The following TMEM219 variants were observed in gnomAD, a reference collection of about 807,000 sequenced individuals.
TMEM219 encodes the protein transmembrane protein 219.
In TMEM219, 18 loss-of-function variants were observed where a neutral mutation model predicts 17.9. The ratio of observed to expected loss-of-function variants is 1.01; its 90% confidence interval spans 0.70 to 1.49. TMEM219 has a LOEUF of 1.49. Among genes scored for constraint, TMEM219 ranks in the 40% most tolerant of loss-of-function variants. The pLI is 0.00. For synonymous variants in TMEM219, 113 were observed against 124.0 expected, an observed-to-expected ratio of 0.91 and a Z score of 0.59; for missense variants, 288 against 292.4, an observed-to-expected ratio of 0.99 and a Z score of 0.11.
chr16:29,969,192 CTT>C (rs1197231032), intron 4 of TMEM219, among the ~76,000 whole-genome samples: 1 of 122,986 alleles, frequency 8.1e-6, no homozygotes, highest in Non-Finnish European at 1.7e-5. Context: ...TTCTTTTTCG[CTT>C]TTTTTTTTTT....
rs1212679752 is a variant in TMEM219 at position 29,962,145 on chromosome 16, G to T, written c.-38+13G>T. The T allele has an allele frequency of 6.6e-6, 1 of 152,072 alleles. No homozygotes were observed. Among genetic ancestry groups the T allele is most frequent in the Non-Finnish European group, 1.5e-5 (1 of 67,976 alleles). The allele number at this position is 152,072 out of a possible 1,614,324, so 9.4% of individuals were successfully genotyped here. On this transcript the variant is annotated intron_variant, in intron 1 of 5. Transcript: ENST00000279396. ...CCGGCCCCGAGGGGTAAGAGCGAGC[G>T]GCTGGCGGATCCGACGCGCGAGACC...
Position 29,963,291 on chromosome 16 carries a change from A to G in TMEM219, c.148A>G (p.Ser50Gly), listed in dbSNP as rs777556227. ...CCTCACCCACAGGACTGGCCTGCGC[A>G]GCCCTGACATCCCCCAGGTAAGTTC... is the stretch of plus-strand genomic sequence containing the variant. ...FLLTHRTGLR[S>G]PDIPQDWVSF... The change falls in exon 2 of 6, where the codon AGC becomes GGC. Residue 50 changes from serine to glycine, a missense_variant. Ser to Gly is a moderately conservative substitution (Grantham distance 56). Transcript: ENST00000279396. The G allele has an allele frequency of 1.2e-6, 2 of 1,613,998 alleles. No homozygotes were observed. The highest frequency in any genetic ancestry group is 3.3e-5 in the Admixed American group (2 of 60,002).
In TMEM219 at chr16:29,963,133, C is replaced by T; in HGVS notation, c.-11C>T. Reference sequence around the variant, plus strand: ...AGGCTCTCCCCGGAGGCTCAGCCCCCTCTGCTCCCCATGGGCAACTGCCAG... The same window carrying T: ...AGGCTCTCCCCGGAGGCTCAGCCCCTTCTGCTCCCCATGGGCAACTGCCAG... On this transcript the variant is annotated 5_prime_UTR_variant, in exon 2 of 6. Coordinates refer to ENST00000279396, the MANE Select transcript of TMEM219 (RefSeq NM_001083613.2). 5 of 1,610,146 alleles carry T rather than the reference C, an allele frequency of 3.1e-6. No homozygotes were observed. Among genetic ancestry groups the T allele is most frequent in the Non-Finnish European group, 4.2e-6 (5 of 1,179,928 alleles).
At chr16:29,972,694 T>C (rs1596584631) in intron 5 of TMEM219, among the ~76,000 whole-genome samples, 2 of 152,196 alleles carry the variant, frequency 1.3e-5, no homozygotes, top group East Asian at 3.8e-4. Context: ...ATTTTGCTGA[T>C]GGCTGGGCCT....
chr16:29,971,540 C>T lies in TMEM219; in HGVS notation c.718C>T (p.Leu240Phe), dbSNP rs1567232283. ...RRESHWSRTR[L>F] ...GGAGTCCCACTGGTCTAGAACCCGG[C>T]TCTGAGGGCACTGGCCTAGTTCCCG... The change falls in exon 5 of 6, where the codon CTC (leucine) becomes TTC (phenylalanine). Residue 240 changes from leucine to phenylalanine, a missense_variant. By Grantham distance (22) the Leu-to-Phe change is conservative. Coordinates refer to ENST00000279396, the MANE Select transcript of TMEM219 (RefSeq NM_001083613.2). 1.2e-6 allele frequency: 2 copies of T among 1,611,744 alleles called. No homozygotes were observed. The highest frequency in any genetic ancestry group is 8.5e-7 in the Non-Finnish European group (1 of 1,179,216).
intron 5 of TMEM219, chr16:29,971,988 G>A (rs2069297825): frequency 6.4e-6 from 1 of 157,138 alleles, no homozygotes; most frequent in African/African-American, 2.4e-5. Context: ...GTATTGCCAT[G>A]TATGTATTCC....
chr16:29,968,132 C>T lies in TMEM219; in HGVS notation c.463C>T (p.Gln155Ter). 3 of 1,614,166 alleles carry T rather than the reference C, an allele frequency of 1.9e-6. No homozygotes were observed. Among genetic ancestry groups the T allele is most frequent in the African/African-American group, 2.7e-5 (2 of 75,040 alleles). The change falls in exon 4 of 6, where the codon CAG (glutamine) becomes TAG (stop). Residue 155 changes from glutamine (Q) to a stop codon, truncating the protein, a stop_gained. Coordinates refer to ENST00000279396, the MANE Select transcript of TMEM219 (RefSeq NM_001083613.2). LOFTEE classifies it high-confidence loss of function. ...TGTTCCAGGAATCCTACCCTCCAGC[C>T]AGCCACCCATATCCTGCTCAGAGGA... The part of the protein sequence containing the change: ...SAVPGILPSS[Q>*]PPISCSEEGA...
At chr16:29,970,955 A>G (rs2069277834) in intron 4 of TMEM219, among the ~76,000 whole-genome samples, 1 of 151,532 alleles carries the variant, frequency 6.6e-6, no homozygotes, top group South Asian at 2.1e-4. Flanking sequence ...AAAAGAAAAA[A>G]AAAAAAAAGG....
At chr16:29,964,948 T>C (rs929622089) in intron 3 of TMEM219, among the ~76,000 whole-genome samples, 2 of 152,212 alleles carry the variant, frequency 1.3e-5, no homozygotes, top group African/African-American at 4.8e-5. Context: ...GACCTAATGT[T>C]TTCTCATCCT....
At chr16:29,971,632 G>C in intron 5 of TMEM219, 54 bp downstream of exon 5, 1 of 1,416,932 alleles carries the variant, frequency 7.1e-7, no homozygotes, top group South Asian at 1.2e-5. Flanking sequence ...GGGGGTGGGG[G>C]TTGTAACCGG....
chr16:29,964,791 A>G (rs2069192563), intron 3 of TMEM219, among the ~76,000 whole-genome samples: 1 of 152,122 alleles, frequency 6.6e-6, no homozygotes, highest in African/African-American at 2.4e-5. Flanking sequence ...CCTTGGGCAC[A>G]TCCCTGGACT....
intron 4 of TMEM219, among the ~76,000 whole-genome samples, chr16:29,969,517 T>C (rs904156038): frequency 1.4e-5 from 2 of 146,628 alleles, no homozygotes; most frequent in African/African-American, 2.5e-5. Context: ...AAAAAAAACA[T>C]TTTTTTTTTT....
intron 5 of TMEM219, chr16:29,972,131 G>A (rs2069301622): frequency 6.6e-6 from 1 of 152,396 alleles, no homozygotes; most frequent in Non-Finnish European, 1.5e-5. Flanking sequence ...CAAGCATTTG[G>A]GTAACAATGG....
At chr16:29,969,692 A>G (rs987026279) in intron 4 of TMEM219, among the ~76,000 whole-genome samples, 2 of 151,856 alleles carry the variant, frequency 1.3e-5, no homozygotes, top group Non-Finnish European at 2.9e-5. Flanking sequence ...AAGGAAAAAA[A>G]AAGAAAGTGT....
chr16:29,968,020 C>A lies in TMEM219; in HGVS notation c.356-5C>A. The A allele has an allele frequency of 6.2e-7, 1 of 1,610,512 alleles. No individual in the cohort carries two copies. Among genetic ancestry groups the A allele is most frequent in the South Asian group, 1.1e-5 (1 of 91,010 alleles). On this transcript the variant is annotated splice_region_variant and splice_polypyrimidine_tract_variant and intron_variant, in intron 3 of 5. Coordinates refer to ENST00000279396, the MANE Select transcript of TMEM219 (RefSeq NM_001083613.2). ...CTTCCATTTTCTCTTCTGTGCCTTT[C>A]ACAGGATCTTCTGCAGGACAACTGG...
In TMEM219 at chr16:29,963,232, T is replaced by G. The variant is rs773914341; in HGVS notation, c.89T>G (p.Leu30Arg). 34 of 1,613,958 alleles carry G rather than the reference T, an allele frequency of 2.1e-5. No homozygotes were observed. Among genetic ancestry groups the G allele is most frequent in the Admixed American group, 5.0e-5 (3 of 60,012 alleles). ...TGTGCCACTTTGATCCTGCTGCTCC[T>G]TGGCCTCTCTGGCCTGGGCCTTGGC... ...LVCATLILLLLGLSGLGLGSF... is the reference protein window; with the variant it reads ...LVCATLILLLRGLSGLGLGSF... Residue 30 changes from leucine (L) to arginine (R), a missense_variant, in exon 2 of 6, where the codon CTT (leucine) becomes CGT (arginine). Transcript: ENST00000279396.
rs1315150531 is a variant in TMEM219, at chr16:29,963,559, A to G, written c.325A>G (p.Thr109Ala). Residue 109 changes from threonine to alanine, a missense_variant, in exon 3 of 6, where the codon ACA becomes GCA. Physicochemically the swap from Thr to Ala is moderately conservative, Grantham distance 58. Transcript: ENST00000279396. ...DRNKTRTFQA[T>A]VLGSQMGLKG... ...GAACAAGACCCGGACATTCCAGGCC[A>G]CAGTCCTGGGAAGTCAGATGGGATT... 6.2e-7 allele frequency: 1 copy of G among 1,614,108 alleles called. No individual in the cohort carries two copies. The highest frequency in any genetic ancestry group is 1.1e-5 in the South Asian group (1 of 91,076).
At chr16:29,972,709 G>A (rs770196717) in intron 5 of TMEM219, among the ~76,000 whole-genome samples, 2 of 152,188 alleles carry the variant, frequency 1.3e-5, no homozygotes, top group Non-Finnish European at 2.9e-5. Flanking sequence ...GGGCCTAAAT[G>A]CCCCAACCAC....
At chr16:29,966,391 T>G (rs1237060019) in intron 3 of TMEM219, among the ~76,000 whole-genome samples, 1 of 152,226 alleles carries the variant, frequency 6.6e-6, no homozygotes, top group East Asian at 1.9e-4. Context: ...ATATGTTACT[T>G]GTTTTTTTAA....
Sources: allele counts gnomAD v4.1 joint callset (sites outside exome capture counted in the v4.1 genomes callset), GRCh38; gene constraint gnomAD v4.1.1; transcripts MANE v1.5; gene names NCBI Gene and HGNC (gene_info 2026-07-23, HGNC 2026-07-21).